TFCP2: variants seen among roughly 807,000 people sequenced by gnomAD.
TFCP2 encodes transcription factor CP2.
A neutral mutation model predicts 73.4 loss-of-function variants in TFCP2; 33 were observed. The observed-to-expected ratio is 0.45, with a 90% CI of 0.34 to 0.60. The LOEUF (loss-of-function observed/expected upper bound fraction) is 0.60. Ranked by LOEUF, TFCP2 falls within the 20% of genes least tolerant of loss-of-function variation. The pLI is 0.01. For missense variants in TFCP2, 352 were observed against 604.0 expected (o/e 0.58, Z 4.37); for synonymous variants, 193 against 211.6 (o/e 0.91, Z 0.76).
At chr12:51,096,963 ATTTT>A (rs914464235) in intron 13 of TFCP2, among the ~76,000 whole-genome samples, 6 of 145,346 alleles carry the variant, frequency 4.1e-5, no homozygotes, top group Non-Finnish European at 7.6e-5. Flanking sequence ...TTTTTTCTTA[ATTTT>A]TTTTTTTTTT....
chr12:51,132,357 C>CTTTTTTTTTTTTTTTTTTTTTTTT lies in TFCP2; in HGVS notation c.123-13609_123-13586dup, dbSNP rs869123355. On this transcript the variant is annotated intron_variant, in intron 1 of 14. Coordinates refer to ENST00000257915, the MANE Select transcript of TFCP2 (RefSeq NM_005653.5). ...TGCAAGTTCTGGTTTAGGGATTAGT[C>CTTTTTTTTTTTTTTTTTTTTTTTT]TTTTTTTTTTTTTTTTTTTTTTTTT... 4.9e-5 allele frequency among the ~76,000 whole-genome samples: 3 copies of CTTTTTTTTTTTTTTTTTTTTTTTT among 61,766 alleles called. 1 individual carries two copies. The highest frequency in any genetic ancestry group is 1.7e-4 in the African/African-American group (3 of 17,216). 40.5% of individuals were successfully genotyped at this position (61,766 alleles called of 152,430 possible). A position where few individuals can be genotyped will look rare whatever the true frequency, so the allele number is the denominator to read the frequency against.
At chr12:51,145,702 C>CT (rs1307444038) in intron 1 of TFCP2, among the ~76,000 whole-genome samples, 1 of 151,466 alleles carries the variant, frequency 6.6e-6, no homozygotes, top group Non-Finnish European at 1.5e-5. Flanking sequence ...AATCCCAACA[C>CT]TTTGAGGTAG....
At chr12:51,101,356 C>G (rs1940106977) in intron 11 of TFCP2, among the ~76,000 whole-genome samples, 1 of 152,082 alleles carries the variant, frequency 6.6e-6, no homozygotes, top group Admixed American at 6.6e-5. Flanking sequence ...ATGACCACTT[C>G]TCCAGTTAAA....
At chr12:51,150,235 T>A (rs915605816) in intron 1 of TFCP2, among the ~76,000 whole-genome samples, 1 of 152,068 alleles carries the variant, frequency 6.6e-6, no homozygotes, top group African/African-American at 2.4e-5. Context: ...CTGGCCAACA[T>A]GGCGAAACCT....
At chr12:51,116,490 G>T in intron 3 of TFCP2, 70 bp from the exon 4 acceptor site, 1 of 800,314 alleles carries the variant, frequency 1.2e-6, no homozygotes. Context: ...AGAAAAACTA[G>T]CAGGATTCAC....
intron 1 of TFCP2, among the ~76,000 whole-genome samples, chr12:51,159,533 T>C (rs1463664496): frequency 6.6e-6 from 1 of 151,848 alleles, no homozygotes; most frequent in African/African-American, 2.4e-5. Context: ...GAGACGGGGT[T>C]TCACCACATT....
At chr12:51,134,659 T>G (rs1025947124) in intron 1 of TFCP2, among the ~76,000 whole-genome samples, 3 of 152,208 alleles carry the variant, frequency 2.0e-5, no homozygotes, top group African/African-American at 7.2e-5. Flanking sequence ...TGTTCTAGTC[T>G]TTTGTGCCCC....
intron 1 of TFCP2, among the ~76,000 whole-genome samples, chr12:51,163,989 G>A (rs1035383787): frequency 1.3e-5 from 2 of 151,968 alleles, no homozygotes; most frequent in Admixed American, 6.6e-5. Context: ...AGGATCGCTT[G>A]AGGCCAGGAG....
chr12:51,097,802 A>G lies in TFCP2; in HGVS notation c.1419+974T>C, dbSNP rs1940003512. Among the ~76,000 whole-genome samples the G allele has an allele frequency of 2.6e-5, 4 of 152,028 alleles. No individual in the cohort carries two copies. In the South Asian group the frequency reaches 8.3e-4, roughly 32 times the overall value. ...GAGGCTGAGGCGGGTTGATCACTTG[A>G]GGCCAGGAGTTCGAGACCAGACTGG... On this transcript the variant is annotated intron_variant, in intron 13 of 14. Transcript: ENST00000257915.
At chr12:51,154,991 T>C (rs1439452291) in intron 1 of TFCP2, among the ~76,000 whole-genome samples, 2 of 152,166 alleles carry the variant, frequency 1.3e-5, no homozygotes, top group Non-Finnish European at 2.9e-5. Context: ...AGTAGGTTGA[T>C]TGAGGGAGTA....
intron 14 of TFCP2, 25 bp downstream of exon 14, chr12:51,095,964 A>T (rs1939957161): frequency 6.2e-7 from 1 of 1,606,016 alleles, no homozygotes. Context: ...AACTGCTTAG[A>T]GAAAGATGTT....
intron 5 of TFCP2, 32 bp downstream of exon 5, chr12:51,110,845 T>A (rs1566204289): frequency 6.9e-7 from 1 of 1,447,088 alleles, no homozygotes; most frequent in African/African-American, 1.4e-5. Flanking sequence ...GAGATACTCT[T>A]CAAAACTGGA....
intron 1 of TFCP2, among the ~76,000 whole-genome samples, chr12:51,160,371 G>A (rs184688610): frequency 2.6e-5 from 4 of 152,100 alleles, no homozygotes; most frequent in Admixed American, 6.6e-5. Flanking sequence ...TCCTGACCTC[G>A]TGATCCACCT....
At chr12:51,161,857 T>A in intron 1 of TFCP2, among the ~76,000 whole-genome samples, 1 of 139,114 alleles carries the variant, frequency 7.2e-6, no homozygotes, top group African/African-American at 2.7e-5. Flanking sequence ...CTGTCTTAAA[T>A]ATGCTCAGAG....
At chr12:51,143,743 A>ATG (rs1248684055) in intron 1 of TFCP2, among the ~76,000 whole-genome samples, 1 of 152,164 alleles carries the variant, frequency 6.6e-6, no homozygotes, top group African/African-American at 2.4e-5. Flanking sequence ...TTGGTTTCAG[A>ATG]TGTCACTATG....
At chr12:51,118,536 C>T (rs564829768) in intron 2 of TFCP2, 85 bp downstream of exon 2, 54 of 1,508,252 alleles carry the variant, frequency 3.6e-5, no homozygotes, top group South Asian at 2.8e-4. Flanking sequence ...GCCTGGGTGA[C>T]GCCGTCTCAA....
At chr12:51,128,349 T>C (rs1940858924) in intron 1 of TFCP2, among the ~76,000 whole-genome samples, 1 of 152,034 alleles carries the variant, frequency 6.6e-6, no homozygotes, top group Non-Finnish European at 1.5e-5. Context: ...AAAACTAGTA[T>C]TGGCATTAGG....
intron 1 of TFCP2, among the ~76,000 whole-genome samples, chr12:51,166,124 G>A (rs537541668): frequency 1.1e-4 from 17 of 152,104 alleles, no homozygotes; most frequent in African/African-American, 4.1e-4. Context: ...AGACCAGCCT[G>A]GCTAACATGG....
intron 1 of TFCP2, among the ~76,000 whole-genome samples, chr12:51,150,092 T>C (rs538888359): frequency 1.5e-4 from 23 of 152,308 alleles, no homozygotes; most frequent in African/African-American, 5.5e-4. Context: ...AGCATGTCTT[T>C]ATATTTTTAC....
Sources: allele counts gnomAD v4.1 joint callset (sites outside exome capture counted in the v4.1 genomes callset), GRCh38; gene constraint gnomAD v4.1.1; transcripts MANE v1.5; gene names NCBI Gene and HGNC (gene_info 2026-07-23, HGNC 2026-07-21).